FHIT: variants seen among roughly 807,000 people sequenced by gnomAD.
FHIT encodes fragile histidine triad diadenosine triphosphatase, also known as bis(5'-adenosyl)-triphosphatase.
In FHIT, 19 loss-of-function variants were observed where a neutral mutation model predicts 17.9. The ratio of observed to expected loss-of-function variants is 1.06; its 90% CI spans 0.74 to 1.56. The LOEUF (loss-of-function observed/expected upper bound fraction) is 1.56. Among genes scored for constraint, FHIT ranks in the 40% most tolerant of loss-of-function variants. FHIT has a pLI of 0.00. For missense variants in FHIT, 248 were observed against 189.2 expected, an observed-to-expected ratio of 1.31 and a Z score of -1.82; for synonymous variants, 81 against 69.7, an observed-to-expected ratio of 1.16 and a Z score of -0.81.
chr3:59,821,707 C>T (rs1700795445), intron 8 of FHIT, among the ~76,000 whole-genome samples: 1 of 151,972 alleles, frequency 6.6e-6, no homozygotes, highest in East Asian at 1.9e-4. Context: ...CATCTAGTGC[C>T]AAGATTACAA....
chr3:59,838,080 CCA>C (rs1022355341), intron 8 of FHIT, among the ~76,000 whole-genome samples: 3 of 152,102 alleles, frequency 2.0e-5, no homozygotes, highest in African/African-American at 7.2e-5. Flanking sequence ...TCACTGCTCT[CCA>C]CAGTCATTCA....
intron 4 of FHIT, among the ~76,000 whole-genome samples, chr3:60,656,164 A>C (rs9814846): frequency 0.044 from 6,730 of 152,236 alleles, 513 homozygotes; most frequent in African/African-American, 0.15. Flanking sequence ...GAAACTCAAG[A>C]AGGGTACAAA....
intron 2 of FHIT, among the ~76,000 whole-genome samples, chr3:61,161,448 C>G (rs1435471043): frequency 6.6e-6 from 1 of 152,130 alleles, no homozygotes; most frequent in Non-Finnish European, 1.5e-5. Context: ...GTGATCCGCC[C>G]ACCTTGGCCT....
chr3:59,814,947 G>A (rs549799217), intron 8 of FHIT, among the ~76,000 whole-genome samples: 3 of 152,326 alleles, frequency 2.0e-5, no homozygotes, highest in Admixed American at 1.3e-4. Flanking sequence ...ACAGTCATGA[G>A]TACACATTCC....
chr3:61,013,749 T>C (rs373505485), intron 3 of FHIT, among the ~76,000 whole-genome samples: 1 of 152,112 alleles, frequency 6.6e-6, no homozygotes, highest in African/African-American at 2.4e-5. Context: ...TAATTCACAA[T>C]AGGATTAGAA....
chr3:60,589,820 G>A (rs2038024521), intron 4 of FHIT, among the ~76,000 whole-genome samples: 1 of 152,084 alleles, frequency 6.6e-6, no homozygotes, highest in Admixed American at 6.6e-5. Context: ...ACTGGAGAAA[G>A]TGCTGACCAG....
At chr3:60,041,178 A>G (rs1023461357) in intron 5 of FHIT, among the ~76,000 whole-genome samples, 1 of 152,168 alleles carries the variant, frequency 6.6e-6, no homozygotes, top group African/African-American at 2.4e-5. Context: ...AACCTACCCT[A>G]TGATCCTGAC....
At chr3:61,077,021 G>A (rs1035495209) in intron 2 of FHIT, among the ~76,000 whole-genome samples, 18 of 152,236 alleles carry the variant, frequency 1.2e-4, no homozygotes, top group African/African-American at 3.4e-4. Context: ...GGATGAATGA[G>A]GCTAAATGTG....
chr3:60,173,915 A>ATATATATATATTTTTTTTTTTTTT, intron 5 of FHIT, among the ~76,000 whole-genome samples: 1 of 66,444 alleles, frequency 1.5e-5, no homozygotes, highest in Non-Finnish European at 2.8e-5. Context: ...ATATATATAT[A>ATATATATATATTTTTTTTTTTTTT]TGTTTTTTTT....
intron 2 of FHIT, among the ~76,000 whole-genome samples, chr3:61,118,694 T>G (rs1322720605): frequency 6.6e-6 from 1 of 152,168 alleles, no homozygotes; most frequent in East Asian, 1.9e-4. Context: ...GTGTGTCAGT[T>G]CCCTTATTTG....
intron 5 of FHIT, among the ~76,000 whole-genome samples, chr3:60,456,817 C>A (rs1294841444): frequency 6.6e-6 from 1 of 152,052 alleles, no homozygotes; most frequent in Non-Finnish European, 1.5e-5. Context: ...GATCAGGAGG[C>A]ATGAAAGCAC....
At chr3:59,959,868 G>A (rs139554085) in intron 7 of FHIT, among the ~76,000 whole-genome samples, 1 of 152,292 alleles carries the variant, frequency 6.6e-6, no homozygotes, top group East Asian at 1.9e-4. Flanking sequence ...GAACTGATAG[G>A]CAAGTTGACA....
intron 4 of FHIT, among the ~76,000 whole-genome samples, chr3:60,726,147 C>T (rs2041912569): frequency 6.6e-6 from 1 of 152,082 alleles, no homozygotes; most frequent in South Asian, 2.1e-4. Context: ...TTGCTGACAA[C>T]AAAGGATTGG....
chr3:59,760,243 T>G (rs888986503), intron 8 of FHIT, among the ~76,000 whole-genome samples: 1 of 152,166 alleles, frequency 6.6e-6, no homozygotes, highest in African/African-American at 2.4e-5. Flanking sequence ...TCAAGGGGTA[T>G]AGAGTGTTGG....
chr3:60,660,077 G>A (rs1261908228), intron 4 of FHIT, among the ~76,000 whole-genome samples: 1 of 152,034 alleles, frequency 6.6e-6, no homozygotes, highest in Non-Finnish European at 1.5e-5. Context: ...TGTATATGTG[G>A]CTGCTTTAAA....
intron 4 of FHIT, among the ~76,000 whole-genome samples, chr3:60,651,100 C>T (rs770519289): frequency 1.8e-4 from 27 of 151,976 alleles, no homozygotes; most frequent in Non-Finnish European, 3.5e-4. Context: ...GTATAGAGTG[C>T]CAAATTTTAT....
intron 4 of FHIT, among the ~76,000 whole-genome samples, chr3:60,648,942 T>C (rs1553687517): frequency 6.6e-6 from 1 of 152,216 alleles, no homozygotes; most frequent in East Asian, 1.9e-4. Context: ...ATAGTCCAAC[T>C]TTTATGGAGG....
intron 5 of FHIT, among the ~76,000 whole-genome samples, chr3:60,384,510 A>G (rs1300921647): frequency 2.0e-5 from 3 of 152,144 alleles, no homozygotes; most frequent in Non-Finnish European, 2.9e-5. Flanking sequence ...CACACACTCC[A>G]GGAAAGGAAA....
chr3:60,526,889 A>C (rs2035596212), intron 5 of FHIT, among the ~76,000 whole-genome samples: 1 of 151,618 alleles, frequency 6.6e-6, no homozygotes, highest in Non-Finnish European at 1.5e-5. Context: ...AGTGGGAGTA[A>C]TTATTCCAGA....
Sources: gnomAD v4.1 joint callset for allele counts (sites outside exome capture counted in the v4.1 genomes callset) on GRCh38, gnomAD v4.1.1 for gene constraint, MANE v1.5 for transcripts, NCBI Gene and HGNC (gene_info 2026-07-23, HGNC 2026-07-21) for gene names.